Variants in NYNRIN observed in about 807,000 individuals in gnomAD.
NYNRIN encodes the protein NYN domain and retroviral integrase containing.
A neutral mutation model predicts 146.6 loss-of-function variants in NYNRIN; 86 were observed. That is an observed-to-expected ratio of 0.59 (90% CI 0.49 to 0.70). The LOEUF (loss-of-function observed/expected upper bound fraction) is 0.70, where lower values mean the gene tolerates loss of function less well. Ranked by LOEUF, NYNRIN falls within the 30% of genes least tolerant of loss-of-function variation. The pLI is 0.00. For synonymous variants in NYNRIN, 1,027 were observed against 1,001.3 expected (o/e 1.03, Z -0.48); for missense variants, 2,191 against 2,377.7 (o/e 0.92, Z 1.63).
In NYNRIN at chr14:24,411,542, A is replaced by G. The variant is rs2042912960; in HGVS notation, c.2642+92A>G. On this transcript the variant is annotated intron_variant, in intron 6 of 8. Coordinates refer to ENST00000382554, the MANE Select transcript of NYNRIN (RefSeq NM_025081.3). This position sits in a 1 kb window ranked among gnomAD's most constrained non-coding sequence, Gnocchi z 4.3. ...AGTCCGGCCTGTCTTCTCTGGGGAA[A>G]TGGAGGCAAACATGTTGGGGGTGTC... The G allele has an allele frequency of 1.8e-6, 2 of 1,096,500 alleles. No individual in the cohort carries two copies. The highest frequency in any genetic ancestry group is 1.8e-5 in the Admixed American group (1 of 54,558). The allele number at this position is 1,096,500 out of a possible 1,614,324, so 67.9% of individuals were successfully genotyped here. A position where few individuals can be genotyped will look rare whatever the true frequency, so the allele number is the denominator to read the frequency against.
At chr14:24,402,084 C>T (rs11158680) in intron 2 of NYNRIN, among the ~76,000 whole-genome samples, 66,400 of 151,866 alleles carry the variant, frequency 0.44, 17,538 homozygotes, top group Middle Eastern at 0.6. Flanking sequence ...GAGGAGGGGT[C>T]GAGAAGGATA....
chr14:24,409,865 G>A lies in NYNRIN; in HGVS notation c.2071G>A (p.Gly691Arg), dbSNP rs1446002548. The A allele has an allele frequency of 1.9e-6, 3 of 1,613,468 alleles. No homozygotes were observed. Among genetic ancestry groups the A allele is most frequent in the Non-Finnish European group, 1.7e-6 (2 of 1,179,690 alleles). The stretch of plus-strand genomic sequence containing the variant: ...AGCTCAGAAGGTGCCCACGGATGCA[G>A]GGCCAACCTTGGATGTAGCCAGACT... ...PAAQKVPTDA[G>R]PTLDVARLLS... The change falls in exon 4 of 9, where the codon GGG becomes AGG. Residue 691 changes from glycine to arginine, a missense_variant. Physicochemically the swap from Gly to Arg is moderately radical, Grantham distance 125 (BLOSUM62 -2). Coordinates refer to ENST00000382554, the MANE Select transcript of NYNRIN (RefSeq NM_025081.3).
chr14:24,406,791 T>G (rs1161968450), intron 2 of NYNRIN, among the ~76,000 whole-genome samples: 8 of 152,134 alleles, frequency 5.3e-5, no homozygotes, highest in African/African-American at 1.9e-4. Context: ...GAAGTCCACA[T>G]GGGGTGGCTG....
At chr14:24,413,161 T>C in intron 7 of NYNRIN, 63 bp downstream of exon 7, 1 of 1,397,140 alleles carries the variant, frequency 7.2e-7, no homozygotes, top group South Asian at 1.2e-5. Flanking sequence ...GCCCCTGGCA[T>C]GGGAGGGATT....
intron 4 of NYNRIN, among the ~76,000 whole-genome samples, chr14:24,410,542 G>T (rs1333268655): frequency 6.6e-6 from 1 of 152,242 alleles, no homozygotes; most frequent in African/African-American, 2.4e-5. Flanking sequence ...CAAGGTCCAT[G>T]CCCTTCCCAG....
intron 2 of NYNRIN, among the ~76,000 whole-genome samples, chr14:24,402,675 G>A (rs1482225852): frequency 2.0e-5 from 3 of 152,142 alleles, no homozygotes; most frequent in South Asian, 2.1e-4. Flanking sequence ...CATGGTGGGA[G>A]TATTTATGCC....
intron 8 of NYNRIN, 44 bp downstream of exon 8, chr14:24,413,461 T>C: frequency 4.4e-6 from 6 of 1,370,392 alleles, no homozygotes; most frequent in African/African-American, 1.4e-5. Context: ...CTCCTGGGGC[T>C]GATCGGAAAC....
At position 24,408,043 on chromosome 14, in the gene NYNRIN, G is replaced by A. The variant is rs1487580060; in HGVS notation, c.373G>A (p.Glu125Lys). ...PGSLMVGGLT[E>K]SFIMTQNWLE... ...CTCCCTGATGGTGGGCGGGCTGACT[G>A]AGTCTTTCATCATGACACAGAACTG... is the stretch of plus-strand genomic sequence containing the variant. The change falls in exon 3 of 9, where the codon GAG becomes AAG. Residue 125 changes from glutamate (E) to lysine (K), a missense_variant. Glu to Lys is a moderately conservative substitution (Grantham distance 56, BLOSUM62 1). This residue lies in a region of NYNRIN where 895 missense variants were observed against 941.2 expected (regional missense o/e 0.95). Coordinates refer to ENST00000382554, the MANE Select transcript of NYNRIN (RefSeq NM_025081.3). 6.2e-7 allele frequency: 1 copy of A among 1,613,970 alleles called. No homozygotes were observed.
intron 2 of NYNRIN, among the ~76,000 whole-genome samples, chr14:24,402,649 G>A (rs537457194): frequency 6.6e-6 from 1 of 152,292 alleles, no homozygotes; most frequent in African/African-American, 2.4e-5. Flanking sequence ...CAAGTGAGTG[G>A]AGGAGTATTT....
Position 24,414,724 on chromosome 14 carries a change from T to G in NYNRIN, c.2975T>G (p.Val992Gly). 1 of 1,613,258 alleles carries G rather than the reference T, an allele frequency of 6.2e-7. No homozygotes were observed. Among genetic ancestry groups the G allele is most frequent in the Non-Finnish European group, 8.5e-7 (1 of 1,179,620 alleles). ...GAGAGTCTGCCGAATATGGAAGAAG[T>G]CAGGGAAGAGAAGGAGGAGAGGCAG... ...PLESLPNMEE[V>G]REEKEERQDE... Residue 992 changes from valine to glycine, a missense_variant, in exon 9 of 9, where the codon GTC becomes GGC. Physicochemically the swap from Val to Gly is moderately radical, Grantham distance 109. Coordinates refer to ENST00000382554, the MANE Select transcript of NYNRIN (RefSeq NM_025081.3).
In NYNRIN at chr14:24,409,883, G is replaced by A; in HGVS notation, c.2089G>A (p.Ala697Thr). The change falls in exon 4 of 9, where the codon GCC (alanine) becomes ACC (threonine). Residue 697 changes from alanine to threonine, a missense_variant. Physicochemically the swap from Ala to Thr is moderately conservative, Grantham distance 58. Transcript: ENST00000382554. ...GGATGCAGGGCCAACCTTGGATGTA[G>A]CCAGACTTCTGAGTGAGGTCCAGCC... ...PTDAGPTLDVARLLSEVQPTS... is the reference protein window; with the variant it reads ...PTDAGPTLDVTRLLSEVQPTS... 2 of 1,613,448 alleles carry A rather than the reference G, an allele frequency of 1.2e-6. No homozygotes were observed. The highest frequency in any genetic ancestry group is 8.5e-7 in the Non-Finnish European group (1 of 1,179,674).
Position 24,417,406 on chromosome 14 carries a change from A to T in NYNRIN, c.5657A>T (p.Lys1886Met). 6.5e-7 allele frequency: 1 copy of T among 1,549,440 alleles called. No homozygotes were observed. Among genetic ancestry groups the T allele is most frequent in the Non-Finnish European group, 8.7e-7 (1 of 1,145,134 alleles). ...YPSSLMKAFA[K>M]SGTPLSFKVL... Reference sequence around the variant, plus strand: ...AGCAGTCTGATGAAGGCCTTTGCCAAGAGTGGCACCCCGCTGTCCTTCAAG... The same window carrying T: ...AGCAGTCTGATGAAGGCCTTTGCCATGAGTGGCACCCCGCTGTCCTTCAAG... Residue 1886 changes from lysine (K) to methionine (M), a missense_variant, in exon 9 of 9, where the codon AAG becomes ATG. By Grantham distance (95) the Lys-to-Met change is moderately conservative. Transcript: ENST00000382554.
Position 24,416,715 on chromosome 14 carries a change from C to T in NYNRIN, c.4966C>T (p.His1656Tyr). 1 of 1,613,856 alleles carries T rather than the reference C, an allele frequency of 6.2e-7. No homozygotes were observed. The highest frequency in any genetic ancestry group is 2.2e-5 in the East Asian group (1 of 44,898). The change falls in exon 9 of 9, where the codon CAC (histidine) becomes TAC (tyrosine). Residue 1656 changes from histidine (H) to tyrosine (Y), a missense_variant. His to Tyr is a moderately conservative substitution (Grantham distance 83). This residue lies in a region of NYNRIN where 1,291 missense variants were observed against 1,417.0 expected (regional missense o/e 0.91). Transcript: ENST00000382554. Reference sequence around the variant, plus strand: ...GGCATTCCCCCTGAAGCCCTACACACACACGGCTGTGGCCCAGGTGCTGCT... The same window carrying T: ...GGCATTCCCCCTGAAGCCCTACACATACACGGCTGTGGCCCAGGTGCTGCT... ...VEAFPLKPYT[H>Y]TAVAQVLLQH...
intron 2 of NYNRIN, 119 bp from the exon 3 acceptor site, chr14:24,407,750 G>A (rs1322492040): frequency 3.4e-6 from 3 of 893,888 alleles, no homozygotes; most frequent in East Asian, 5.1e-5. Context: ...TGGTGGATGG[G>A]GGGTGGTAGT....
chr14:24,410,224 C>T lies in NYNRIN; in HGVS notation c.2414+16C>T, dbSNP rs142174010. ...TGGCCATGGTGTGAGTAGTCACGGG[C>T]GTGGGGTGGGCTGGGGATGCTGTGG... On this transcript the variant is annotated intron_variant, in intron 4 of 8. Coordinates refer to ENST00000382554, the MANE Select transcript of NYNRIN (RefSeq NM_025081.3). 915 of 1,465,272 alleles carry T rather than the reference C, an allele frequency of 6.2e-4. 5 individuals are homozygous for T. In the African/African-American group the frequency reaches 0.011, roughly 18 times the overall value. The allele number at this position is 1,465,272 out of a possible 1,614,324, so 90.8% of individuals were successfully genotyped here.
Position 24,411,513 on chromosome 14 carries a change from G to T in NYNRIN, c.2642+63G>T. The T allele has an allele frequency of 2.9e-6, 4 of 1,397,292 alleles. No individual in the cohort carries two copies. Among genetic ancestry groups the T allele is most frequent in the Non-Finnish European group, 4.1e-6 (4 of 985,042 alleles). 86.6% of individuals were successfully genotyped at this position (1,397,292 alleles called of 1,614,324 possible). A position where few individuals can be genotyped will look rare whatever the true frequency, so the allele number is the denominator to read the frequency against. ...GAGTTGGGCCTGGCTGGTGTGTCAG[G>T]TGGAGTCCGGCCTGTCTTCTCTGGG... On this transcript the variant is annotated intron_variant, in intron 6 of 8. Coordinates refer to ENST00000382554, the MANE Select transcript of NYNRIN (RefSeq NM_025081.3). This position sits in a 1 kb window ranked among gnomAD's most constrained non-coding sequence, Gnocchi z 4.3.
In NYNRIN at chr14:24,418,441, C is replaced by T; in HGVS notation, c.*995C>T. ...CTCCACTGTATCCTGCATCCCAGAC[C>T]CTACAGATTGTGTGATTGCTTCATC... On this transcript the variant is annotated 3_prime_UTR_variant, in exon 9 of 9. Coordinates refer to ENST00000382554, the MANE Select transcript of NYNRIN (RefSeq NM_025081.3). 5.6e-6 allele frequency: 2 copies of T among 354,600 alleles called. No individual in the cohort carries two copies. Among genetic ancestry groups the T allele is most frequent in the Non-Finnish European group, 1.1e-5 (2 of 178,666 alleles). 22.0% of individuals were successfully genotyped at this position (354,600 alleles called of 1,614,324 possible).
chr14:24,407,829 C>A (rs770535746), intron 2 of NYNRIN, 40 bp from the exon 3 acceptor site: 1 of 1,540,502 alleles, frequency 6.5e-7, no homozygotes, highest in Non-Finnish European at 8.8e-7. Context: ...GGCAGGCCCC[C>A]AACGGGCTGA....
Position 24,411,071 on chromosome 14 carries a change from C to T in NYNRIN, c.2415-5C>T, listed in dbSNP as rs1481989008. On this transcript the variant is annotated splice_region_variant and splice_polypyrimidine_tract_variant and intron_variant, in intron 4 of 8. Transcript: ENST00000382554. This position sits in a 1 kb window ranked among gnomAD's most constrained non-coding sequence, Gnocchi z 4.3. ...AGGGTCTTTCCTTGTCCCACGACCCCACAGGCATGGCCTGCAGCACTTCTT... is the reference window on the plus strand; with the variant it reads ...AGGGTCTTTCCTTGTCCCACGACCCTACAGGCATGGCCTGCAGCACTTCTT... The T allele has an allele frequency of 6.2e-7, 1 of 1,613,640 alleles. No individual in the cohort carries two copies. The highest frequency in any genetic ancestry group is 1.3e-5 in the African/African-American group (1 of 74,916).
Sources: gnomAD v4.1 joint callset for allele counts (sites outside exome capture counted in the v4.1 genomes callset) on GRCh38, gnomAD v4.1.1 for gene constraint, gnomAD v4.1.1 regional missense constraint, Gnocchi (gnomAD v3.1) non-coding constraint, MANE v1.5 for transcripts, NCBI Gene and HGNC (gene_info 2026-07-23, HGNC 2026-07-21) for gene names.